Variants in WDPCP observed in about 807,000 individuals in gnomAD.
WDPCP encodes the protein WD repeat-containing and planar cell polarity effector protein fritz homolog.
WDPCP carries 71 observed loss-of-function variants against 93.1 expected under a neutral mutation model. That is an observed-to-expected ratio of 0.76 (90% confidence interval 0.63 to 0.93). The LOEUF (loss-of-function observed/expected upper bound fraction) is 0.93. Among genes scored for constraint, WDPCP ranks in the 40% least tolerant of loss-of-function variants. WDPCP has a pLI of 0.00. For missense variants in WDPCP, 844 were observed against 887.4 expected, an observed-to-expected ratio of 0.95 and a Z score of 0.62; for synonymous variants, 315 against 315.0, an observed-to-expected ratio of 1.00 and a Z score of 0.00.
At chr2:63,796,048 G>A (rs1670610656) in intron 2 of WDPCP, among the ~76,000 whole-genome samples, 1 of 152,170 alleles carries the variant, frequency 6.6e-6, no homozygotes, top group Non-Finnish European at 1.5e-5. Context: ...AATGAGACGT[G>A]AGAAGGCTGC....
intron 12 of WDPCP, among the ~76,000 whole-genome samples, chr2:63,326,379 G>T (rs1687541466): frequency 6.6e-6 from 1 of 152,132 alleles, no homozygotes; most frequent in Non-Finnish European, 1.5e-5. Context: ...GATGCAAAGG[G>T]CAGGTTATAC....
At chr2:63,609,965 A>G (rs1709598314) in intron 3 of WDPCP, among the ~76,000 whole-genome samples, 1 of 152,206 alleles carries the variant, frequency 6.6e-6, no homozygotes, top group Non-Finnish European at 1.5e-5. Context: ...GTAATTTTTC[A>G]CCAACTTTGC....
chr2:63,701,861 G>C (rs993919548), intron 2 of WDPCP, among the ~76,000 whole-genome samples: 4 of 152,180 alleles, frequency 2.6e-5, no homozygotes, highest in African/African-American at 7.2e-5. Context: ...GGTGGGGTGA[G>C]GGGGATGAAG....
chr2:63,334,875 C>A (rs923986695), intron 12 of WDPCP, among the ~76,000 whole-genome samples: 1 of 152,102 alleles, frequency 6.6e-6, no homozygotes, highest in Admixed American at 6.6e-5. Flanking sequence ...AATTTGCCCA[C>A]GAGGAAATTT....
At chr2:63,342,776 C>T (rs368582685) in intron 12 of WDPCP, among the ~76,000 whole-genome samples, 5 of 152,208 alleles carry the variant, frequency 3.3e-5, no homozygotes, top group African/African-American at 1.2e-4. Context: ...TCTAAAAATA[C>T]AGTAGTATTG....
chr2:63,220,824 G>A (rs1164973196), intron 14 of WDPCP, among the ~76,000 whole-genome samples: 2 of 152,034 alleles, frequency 1.3e-5, no homozygotes, highest in African/African-American at 2.4e-5. Context: ...AGCCCTGCAT[G>A]CATTAGCTAT....
intron 9 of WDPCP, among the ~76,000 whole-genome samples, chr2:63,418,141 T>C (rs1002477413): frequency 2.0e-5 from 3 of 152,194 alleles, no homozygotes; most frequent in Admixed American, 6.5e-5. Context: ...TAGAATTATG[T>C]AGTTATTGAA....
intron 14 of WDPCP, among the ~76,000 whole-genome samples, chr2:63,193,304 A>T (rs1243166776): frequency 6.6e-6 from 1 of 152,214 alleles, no homozygotes; most frequent in African/African-American, 2.4e-5. Context: ...AGATAGTTAC[A>T]TATGAATGAA....
At chr2:63,464,916 G>A (rs1427029371) in intron 6 of WDPCP, among the ~76,000 whole-genome samples, 1 of 151,952 alleles carries the variant, frequency 6.6e-6, no homozygotes, top group African/African-American at 2.4e-5. Context: ...TGTTTAATGG[G>A]TATAGAGTTT....
intron 2 of WDPCP, among the ~76,000 whole-genome samples, chr2:63,670,200 C>A (rs899274409): frequency 2.6e-5 from 4 of 152,120 alleles, no homozygotes; most frequent in African/African-American, 7.2e-5. Flanking sequence ...TTTTATGAAT[C>A]TTGACTTCCA....
chr2:63,245,725 C>G (rs567529018), intron 14 of WDPCP, among the ~76,000 whole-genome samples: 2 of 152,138 alleles, frequency 1.3e-5, no homozygotes, highest in South Asian at 2.1e-4. Context: ...ATTCAATAAG[C>G]TGGTTGCAGA....
chr2:63,228,115 A>G (rs1327081027), intron 14 of WDPCP, among the ~76,000 whole-genome samples: 3 of 152,122 alleles, frequency 2.0e-5, no homozygotes, highest in Non-Finnish European at 4.4e-5. Flanking sequence ...CTTAATGAAA[A>G]AAGTTTACTT....
chr2:63,740,794 G>C (rs183180554), intron 2 of WDPCP, among the ~76,000 whole-genome samples: 1 of 152,198 alleles, frequency 6.6e-6, no homozygotes, highest in African/African-American at 2.4e-5. Context: ...TACTGTACAA[G>C]GTAATTTGTC....
intron 13 of WDPCP, among the ~76,000 whole-genome samples, chr2:63,283,622 A>G (rs1185659919): frequency 6.6e-6 from 1 of 152,222 alleles, no homozygotes; most frequent in African/African-American, 2.4e-5. Context: ...TTTACAAAAA[A>G]AGTTTGCCAA....
intron 1 of WDPCP, among the ~76,000 whole-genome samples, chr2:63,515,015 T>C (rs1027466266): frequency 6.6e-6 from 1 of 152,154 alleles, no homozygotes; most frequent in Non-Finnish European, 1.5e-5. Context: ...ATCATCACAG[T>C]TGGTTCCAGC....
intron 17 of WDPCP, among the ~76,000 whole-genome samples, chr2:63,129,359 T>C (rs1011769566): frequency 2.6e-5 from 4 of 152,244 alleles, no homozygotes; most frequent in African/African-American, 9.6e-5. Flanking sequence ...ACCATACTGT[T>C]TTCCACAGGG....
chr2:63,299,583 G>A (rs1421440011), intron 13 of WDPCP, among the ~76,000 whole-genome samples: 1 of 152,140 alleles, frequency 6.6e-6, no homozygotes, highest in Non-Finnish European at 1.5e-5. Flanking sequence ...GCCAGTCTGG[G>A]CATTCATAGA....
rs368309098 is a variant in WDPCP, at chr2:63,260,849, G to A, written c.1813-1440C>T. Among the ~76,000 whole-genome samples the A allele has an allele frequency of 8.5e-5, 13 of 152,114 alleles. 1 individual carries two copies. Among genetic ancestry groups the A allele is most frequent in the Admixed American group, 4.6e-4 (7 of 15,268 alleles). ...AGGCGTGAGCCACCAGCACCCGGCC[G>A]GTAAAGACTTTATAGAGCCAAGGAT... On this transcript the variant is annotated intron_variant, in intron 13 of 17. Coordinates refer to ENST00000272321, the MANE Select transcript of WDPCP (RefSeq NM_015910.7).
At chr2:63,378,969 G>C (rs1692079367) in intron 11 of WDPCP, among the ~76,000 whole-genome samples, 1 of 152,108 alleles carries the variant, frequency 6.6e-6, no homozygotes, top group African/African-American at 2.4e-5. Flanking sequence ...TATTGGAGTA[G>C]AAATATATCT....
Sources: gnomAD v4.1 joint callset for allele counts (sites outside exome capture counted in the v4.1 genomes callset) on GRCh38, gnomAD v4.1.1 for gene constraint, MANE v1.5 for transcripts, NCBI Gene and HGNC (gene_info 2026-07-23, HGNC 2026-07-21) for gene names.